Variants in CUEDC1 observed in about 807,000 individuals in gnomAD.
CUEDC1 encodes CUE domain-containing protein 1.
A neutral mutation model predicts 43.7 loss-of-function variants in CUEDC1; 30 were observed. The observed-to-expected ratio is 0.69, with a 90% confidence interval of 0.51 to 0.93. The LOEUF is 0.93. CUEDC1 is among the 40% of genes least tolerant of loss of function. The pLI is 0.00. For synonymous variants in CUEDC1, 223 were observed against 223.6 expected (o/e 1.00, Z 0.02); for missense variants, 486 against 549.0 (o/e 0.89, Z 1.15).
intron 1 of CUEDC1, among the ~76,000 whole-genome samples, chr17:57,893,962 T>C (rs1459733432): frequency 6.6e-6 from 1 of 152,044 alleles, no homozygotes; most frequent in East Asian, 1.9e-4. Context: ...GGCATGGTGG[T>C]GGGTGCCTGT....
rs1386139127 is a variant in CUEDC1 at position 57,944,209 on chromosome 17, TA to T, written c.-316+11015del. 4.4e-3 allele frequency among the ~76,000 whole-genome samples: 618 copies of T among 140,300 alleles called. 15 individuals carry two copies. The East Asian group carries it at 0.052, about 12-fold the overall frequency. The allele number at this position is 140,300 out of a possible 152,430, so 92.0% of individuals were successfully genotyped here. A position where few individuals can be genotyped will look rare whatever the true frequency, so the allele number is the denominator to read the frequency against. On this transcript the variant is annotated intron_variant, in intron 1 of 10. Coordinates refer to ENST00000577830, the MANE Select transcript of CUEDC1 (RefSeq NM_001271875.2). ...TATTATTTATTTTTTTATATATATA[TA>T]TTTTTTTTTTTTTTTTTGAGACGGA...
rs975553547 is a variant in CUEDC1, at chr17:57,896,489, T to TGG, written c.-315-10611_-315-10610insCC. 1.2e-4 allele frequency among the ~76,000 whole-genome samples: 3 copies of TGG among 25,706 alleles called. 1 individual carries two copies. The highest frequency in any genetic ancestry group is 1.9e-4 in the Non-Finnish European group (2 of 10,692). The allele number at this position is 25,706 out of a possible 152,430, so 16.9% of individuals were successfully genotyped here. ...CACTCTACTATAGTGCATTATGGGG[T>TGG]GTGTGTGTGTGTGTGTGTGTGTGTG... On this transcript the variant is annotated intron_variant, in intron 1 of 10. Coordinates refer to ENST00000577830, the MANE Select transcript of CUEDC1 (RefSeq NM_001271875.2).
intron 1 of CUEDC1, among the ~76,000 whole-genome samples, chr17:57,926,129 T>C (rs1255081979): frequency 6.6e-6 from 1 of 152,190 alleles, no homozygotes; most frequent in Non-Finnish European, 1.5e-5. Context: ...ATGGAAAAAG[T>C]GACGTATTCA....
At chr17:57,896,485 G>GGGGGGT (rs1555660555) in intron 1 of CUEDC1, among the ~76,000 whole-genome samples, 1 of 32,806 alleles carries the variant, frequency 3.0e-5, no homozygotes, top group Non-Finnish European at 5.8e-5. Context: ...AGTGCATTAT[G>GGGGGGT]GGGTGTGTGT....
intron 1 of CUEDC1, among the ~76,000 whole-genome samples, chr17:57,899,016 T>G (rs1202930958): frequency 6.6e-6 from 1 of 152,078 alleles, no homozygotes; most frequent in Non-Finnish European, 1.5e-5. Flanking sequence ...AGAGTGGCCC[T>G]CTCAGAAATG....
chr17:57,877,952 G>T (rs2074150033), intron 3 of CUEDC1, among the ~76,000 whole-genome samples: 1 of 149,984 alleles, frequency 6.7e-6, no homozygotes, highest in South Asian at 2.1e-4. Flanking sequence ...ATCTATCCCA[G>T]GCTGCAAGTC....
chr17:57,911,156 C>A (rs922637727), intron 1 of CUEDC1, among the ~76,000 whole-genome samples: 2 of 152,198 alleles, frequency 1.3e-5, no homozygotes, highest in Admixed American at 1.3e-4. Context: ...GCCTCCACCC[C>A]CAGAGTTCCT....
At chr17:57,886,782 G>A (rs915642043) in intron 1 of CUEDC1, among the ~76,000 whole-genome samples, 5 of 146,940 alleles carry the variant, frequency 3.4e-5, no homozygotes, top group African/African-American at 1.3e-4. Flanking sequence ...TCTCAAAGTT[G>A]TCTTGAGAAA....
At chr17:57,924,827 C>T (rs1182722871) in intron 1 of CUEDC1, among the ~76,000 whole-genome samples, 3 of 152,300 alleles carry the variant, frequency 2.0e-5, no homozygotes, top group East Asian at 1.9e-4. Context: ...TGGCAGAGGC[C>T]CCAACTCTGG....
chr17:57,916,575 C>T (rs190765413), intron 1 of CUEDC1, among the ~76,000 whole-genome samples: 18 of 152,302 alleles, frequency 1.2e-4, no homozygotes, highest in Admixed American at 3.9e-4. Context: ...CCAGTGTGAT[C>T]GATGCTGGCA....
chr17:57,929,206 G>A (rs372089049), intron 1 of CUEDC1, among the ~76,000 whole-genome samples: 5 of 152,098 alleles, frequency 3.3e-5, no homozygotes, highest in Admixed American at 1.3e-4. Flanking sequence ...GGCTCTTAAC[G>A]ATAAGCTTTA....
intron 1 of CUEDC1, among the ~76,000 whole-genome samples, chr17:57,946,521 C>T (rs114800927): frequency 0.074 from 11,164 of 151,874 alleles, 925 homozygotes; most frequent in African/African-American, 0.2. Context: ...TCTGCAAGTT[C>T]GCAACTATCA....
chr17:57,933,048 T>TG (rs1368783672), intron 1 of CUEDC1, among the ~76,000 whole-genome samples: 1 of 152,084 alleles, frequency 6.6e-6, no homozygotes, highest in African/African-American at 2.4e-5. Flanking sequence ...CAATGTCTCC[T>TG]GGGGGGCCAG....
intron 1 of CUEDC1, among the ~76,000 whole-genome samples, chr17:57,893,631 G>A (rs1357469953): frequency 6.6e-6 from 1 of 152,122 alleles, no homozygotes; most frequent in East Asian, 1.9e-4. Context: ...CCCACCCCCA[G>A]GCAGCCAGGA....
chr17:57,916,852 C>CT (rs2074647160), intron 1 of CUEDC1, among the ~76,000 whole-genome samples: 1 of 152,184 alleles, frequency 6.6e-6, no homozygotes, highest in African/African-American at 2.4e-5. Flanking sequence ...CTGGAGTGCA[C>CT]TGTCTGTTTT....
intron 10 of CUEDC1, among the ~76,000 whole-genome samples, chr17:57,863,954 T>C (rs1334145252): frequency 2.8e-5 from 4 of 143,278 alleles, no homozygotes; most frequent in Admixed American, 1.4e-4. Flanking sequence ...TGAGTGGAGA[T>C]TGCACCACTG....
chr17:57,934,143 C>G (rs1167648511), intron 1 of CUEDC1, among the ~76,000 whole-genome samples: 1 of 152,106 alleles, frequency 6.6e-6, no homozygotes, highest in Admixed American at 6.5e-5. Context: ...CCTCTAATCC[C>G]AACACTTTGG....
In CUEDC1 at chr17:57,885,265, C is replaced by T. The variant is rs1276189822; in HGVS notation, c.300G>A (p.Glu100=). The change falls in exon 2 of 11, where the codon GAG becomes GAA. Residue 100 remains glutamate, a synonymous_variant. Coordinates refer to ENST00000577830, the MANE Select transcript of CUEDC1 (RefSeq NM_001271875.2). ...TGCTGTCCTCCGAGTCGGAGCTGTC[C>T]TCATAGACGCCGCCGCTGCTGCCAC... ...EGGGSSGGVY[E]DSSDSEDSIP... 22 of 1,602,956 alleles carry T rather than the reference C, an allele frequency of 1.4e-5. No homozygotes were observed. The highest frequency in any genetic ancestry group is 1.8e-5 in the Non-Finnish European group (21 of 1,174,456).
intron 6 of CUEDC1, among the ~76,000 whole-genome samples, chr17:57,870,705 C>A (rs965318415): frequency 2.0e-5 from 3 of 150,384 alleles, no homozygotes; most frequent in Non-Finnish European, 3.0e-5. Flanking sequence ...GAGACAGGGT[C>A]TCACTCTGTC....
Sources: allele counts gnomAD v4.1 joint callset (sites outside exome capture counted in the v4.1 genomes callset), GRCh38; gene constraint gnomAD v4.1.1; transcripts MANE v1.5; gene names NCBI Gene and HGNC (gene_info 2026-07-23, HGNC 2026-07-21).